Variants in RABGAP1L observed in about 807,000 individuals in gnomAD.
RABGAP1L encodes rab GTPase-activating protein 1-like.
RABGAP1L carries 63 observed loss-of-function variants against 137.7 expected under a neutral mutation model. That is an observed-to-expected ratio of 0.46 (90% CI 0.37 to 0.56). The LOEUF (loss-of-function observed/expected upper bound fraction) is 0.56. RABGAP1L is among the 20% of genes least tolerant of loss of function. The pLI is 0.00. For missense variants in RABGAP1L, 1,095 were observed against 1,244.0 expected (o/e 0.88, Z 1.80); for synonymous variants, 431 against 433.7 (o/e 0.99, Z 0.08).
At chr1:174,877,587 C>A (rs754003888) in intron 19 of RABGAP1L, 3 of 1,613,494 alleles carry the variant, frequency 1.9e-6, no homozygotes, top group Non-Finnish European at 2.5e-6. Context: ...TGGTGGCCAT[C>A]AGCAAGCCCA....
chr1:174,248,731 T>G (rs1226733045), intron 5 of RABGAP1L, among the ~76,000 whole-genome samples: 1 of 152,166 alleles, frequency 6.6e-6, no homozygotes, highest in African/African-American at 2.4e-5. Flanking sequence ...ACCTCATACT[T>G]TAACAGACTC....
At chr1:174,623,674 T>C (rs954977676) in intron 13 of RABGAP1L, among the ~76,000 whole-genome samples, 6 of 152,168 alleles carry the variant, frequency 3.9e-5, no homozygotes, top group Admixed American at 2.0e-4. Flanking sequence ...AGATTTTTTG[T>C]TGAGGCTCTG....
chr1:174,747,044 T>C (rs528739837), intron 17 of RABGAP1L, among the ~76,000 whole-genome samples: 12 of 152,338 alleles, frequency 7.9e-5, no homozygotes, highest in African/African-American at 2.9e-4. Context: ...AACAAATTGC[T>C]GGGGATTACA....
intron 13 of RABGAP1L, among the ~76,000 whole-genome samples, chr1:174,457,703 A>G (rs562753848): frequency 6.6e-6 from 1 of 152,066 alleles, no homozygotes; most frequent in East Asian, 1.9e-4. Flanking sequence ...GGGTTTGACC[A>G]TGTTGGCCAG....
intron 11 of RABGAP1L, among the ~76,000 whole-genome samples, chr1:174,305,687 C>T (rs1267550008): frequency 6.6e-6 from 1 of 151,836 alleles, no homozygotes; most frequent in Non-Finnish European, 1.5e-5. Flanking sequence ...CACCTGCCCT[C>T]AATTAATTTT....
intron 13 of RABGAP1L, among the ~76,000 whole-genome samples, chr1:174,600,666 G>T (rs1437964475): frequency 6.6e-6 from 1 of 152,166 alleles, no homozygotes; most frequent in Non-Finnish European, 1.5e-5. Context: ...TCTTATCCAG[G>T]TCACACTGAT....
intron 13 of RABGAP1L, among the ~76,000 whole-genome samples, chr1:174,542,036 A>G (rs1165563986): frequency 3.3e-5 from 5 of 152,084 alleles, no homozygotes; most frequent in African/African-American, 1.2e-4. Flanking sequence ...TTCATCAGGG[A>G]TATTGGTCTA....
chr1:174,691,466 T>C (rs1314821130), intron 15 of RABGAP1L, among the ~76,000 whole-genome samples: 1 of 152,220 alleles, frequency 6.6e-6, no homozygotes, highest in Non-Finnish European at 1.5e-5. Flanking sequence ...CAACATTTAT[T>C]ACCAAACGGT....
intron 19 of RABGAP1L, among the ~76,000 whole-genome samples, chr1:174,890,929 C>T (rs1305736645): frequency 6.6e-6 from 1 of 152,180 alleles, no homozygotes; most frequent in East Asian, 1.9e-4. Context: ...TCCTACAATA[C>T]TGCAGTGAGT....
chr1:174,269,235 C>T (rs1674345235), intron 7 of RABGAP1L, among the ~76,000 whole-genome samples: 1 of 152,222 alleles, frequency 6.6e-6, no homozygotes, highest in African/African-American at 2.4e-5. Flanking sequence ...TGAGCCACTG[C>T]GCCACCGCGC....
chr1:174,802,268 A>G (rs1688825756), intron 18 of RABGAP1L, among the ~76,000 whole-genome samples: 1 of 152,178 alleles, frequency 6.6e-6, no homozygotes, highest in African/African-American at 2.4e-5. Context: ...CTTAGGCTCT[A>G]TCAGTTAGAG....
chr1:174,894,882 G>A (rs151187034), intron 19 of RABGAP1L, among the ~76,000 whole-genome samples: 1,704 of 152,096 alleles, frequency 0.011, 34 homozygotes, highest in African/African-American at 0.04. Flanking sequence ...TCAGCCTCCC[G>A]AGTAGCTGAG....
intron 11 of RABGAP1L, among the ~76,000 whole-genome samples, chr1:174,349,429 C>T (rs1478764089): frequency 1.4e-3 from 161 of 116,870 alleles, no homozygotes; most frequent in South Asian, 2.0e-3. Flanking sequence ...ACCTCCCTCC[C>T]GGACGAGGCG....
At chr1:174,908,786 T>G (rs888192469) in intron 19 of RABGAP1L, among the ~76,000 whole-genome samples, 5 of 150,602 alleles carry the variant, frequency 3.3e-5, no homozygotes, top group African/African-American at 1.2e-4. Flanking sequence ...TCAGGTGATC[T>G]GCCCACCTCG....
intron 13 of RABGAP1L, among the ~76,000 whole-genome samples, chr1:174,514,330 G>A (rs540517020): frequency 6.6e-6 from 1 of 151,480 alleles, no homozygotes; most frequent in African/African-American, 2.4e-5. Flanking sequence ...TTTAGGTAAG[G>A]AAAGTGGGAT....
At chr1:174,602,013 A>G (rs867558544) in intron 13 of RABGAP1L, among the ~76,000 whole-genome samples, 11 of 152,124 alleles carry the variant, frequency 7.2e-5, no homozygotes, top group African/African-American at 2.4e-4. Flanking sequence ...AAGCTATTCA[A>G]CAAGTCTCTG....
intron 7 of RABGAP1L, among the ~76,000 whole-genome samples, chr1:174,254,849 A>G (rs1022059713): frequency 6.6e-6 from 1 of 152,216 alleles, no homozygotes; most frequent in Admixed American, 6.5e-5. Context: ...TCAGGTATAT[A>G]CGCAGTAATG....
At chr1:174,665,315 TCTGCCTGCCTGC>T (rs747716450) in intron 14 of RABGAP1L, among the ~76,000 whole-genome samples, 1 of 151,982 alleles carries the variant, frequency 6.6e-6, no homozygotes, top group Admixed American at 6.6e-5. Flanking sequence ...AGTGCCTTAG[TCTGCCTGCCTGC>T]CTGCCTGCCT....
At chr1:174,208,264 GT>G (rs982704775) in intron 1 of RABGAP1L, among the ~76,000 whole-genome samples, 11 of 147,612 alleles carry the variant, frequency 7.5e-5, no homozygotes, top group South Asian at 2.1e-4. Flanking sequence ...AGTTCTGAGG[GT>G]TTTTTTTTTC....
Sources: allele counts gnomAD v4.1 joint callset (sites outside exome capture counted in the v4.1 genomes callset), GRCh38; gene constraint gnomAD v4.1.1; transcripts MANE v1.5; gene names NCBI Gene and HGNC (gene_info 2026-07-23, HGNC 2026-07-21).